Variants in CABIN1 observed in about 807,000 individuals in gnomAD.
CABIN1 encodes calcineurin binding protein 1, also known as calcineurin-binding protein cabin-1.
CABIN1 carries 133 observed loss-of-function variants against 227.7 expected under a neutral mutation model. That is an observed-to-expected ratio of 0.58 (90% CI 0.51 to 0.67). The LOEUF (loss-of-function observed/expected upper bound fraction) is 0.67, where lower values mean the gene tolerates loss of function less well. CABIN1 is among the 30% of genes least tolerant of loss of function. The pLI, the probability that CABIN1 is intolerant of heterozygous loss-of-function variation, is 0.00. For missense variants in CABIN1, 2,408 were observed against 2,852.5 expected (o/e 0.84, Z 3.55); for synonymous variants, 1,086 against 1,155.1 (o/e 0.94, Z 1.21).
chr22:24,099,778 C>T lies in CABIN1; in HGVS notation c.4117+1586C>T, dbSNP rs576347342. On this transcript the variant is annotated intron_variant, in intron 26 of 36. Coordinates refer to ENST00000263119, the MANE Select transcript of CABIN1 (RefSeq NM_012295.4). ...TGTCCACATGCCATGTGGCCGTGCT[C>T]ACATGCACCTGGGCTAGGGAACCCA... Among the ~76,000 whole-genome samples the T allele has an allele frequency of 2.6e-5, 4 of 152,344 alleles. No individual in the cohort carries two copies. The South Asian group carries it at 6.2e-4, about 24-fold the overall frequency.
At position 24,071,051 on chromosome 22, in the gene CABIN1, T is replaced by G; in HGVS notation, c.2475+9T>G. The G allele has an allele frequency of 6.2e-7, 1 of 1,614,256 alleles. No individual in the cohort carries two copies. Among genetic ancestry groups the G allele is most frequent in the Non-Finnish European group, 8.5e-7 (1 of 1,180,040 alleles). On this transcript the variant is annotated intron_variant, in intron 17 of 36. Transcript: ENST00000263119. ...CCAACAACCTCATCCAGGTAACCCC[T>G]GGCTCCTTCTCACCCTGCCCTGCCC...
chr22:24,083,782 C>G (rs2040962984), intron 20 of CABIN1, among the ~76,000 whole-genome samples: 2 of 152,134 alleles, frequency 1.3e-5, no homozygotes, highest in Non-Finnish European at 2.9e-5. Flanking sequence ...AAACAACAAA[C>G]AAAACTACCC....
At chr22:24,154,430 CTGTCAAATGACTA>C (rs1437891103) in intron 29 of CABIN1, among the ~76,000 whole-genome samples, 2 of 152,182 alleles carry the variant, frequency 1.3e-5, no homozygotes, top group Non-Finnish European at 2.9e-5. Flanking sequence ...CTATGTGTGT[CTGTCAAATGACTA>C]TATGAATGTA....
At chr22:24,150,514 G>A (rs2045417391) in intron 29 of CABIN1, among the ~76,000 whole-genome samples, 1 of 152,240 alleles carries the variant, frequency 6.6e-6, no homozygotes, top group Admixed American at 6.5e-5. Context: ...GGCCGGCTCT[G>A]TTCTAGGCAG....
chr22:24,062,987 G>C lies in CABIN1; in HGVS notation c.1725G>C (p.Met575Ile). The C allele has an allele frequency of 6.2e-7, 1 of 1,614,216 alleles. No homozygotes were observed. Among genetic ancestry groups the C allele is most frequent in the Non-Finnish European group, 8.5e-7 (1 of 1,180,030 alleles). Reference protein sequence around the residue: ...AVSPRNCPAGMVNGRFGPDFP... With the variant: ...AVSPRNCPAGIVNGRFGPDFP... ...CTCCTCGGAACTGCCCTGCTGGTAT[G>C]GTGAATGGCAGATTTGGACCTGACT... The change falls in exon 14 of 37, where the codon ATG becomes ATC. Residue 575 changes from methionine (M) to isoleucine (I), a missense_variant. Met to Ile is a conservative substitution (Grantham distance 10). Around this residue, in one of 3 missense-constraint regions of CABIN1, gnomAD observed 1,045 missense variants for 1,168.4 expected, o/e 0.89. Coordinates refer to ENST00000263119, the MANE Select transcript of CABIN1 (RefSeq NM_012295.4).
intron 13 of CABIN1, 36 bp from the exon 14 acceptor site, chr22:24,062,923 C>T (rs781403469): frequency 1.3e-6 from 2 of 1,599,842 alleles, no homozygotes; most frequent in South Asian, 1.1e-5. Context: ...TAGAATGCTA[C>T]ACATGAAGTT....
chr22:24,092,725 T>TG (rs1602036459), intron 24 of CABIN1, among the ~76,000 whole-genome samples: 1 of 149,982 alleles, frequency 6.7e-6, no homozygotes, highest in South Asian at 2.1e-4. Context: ...TGTGTGTGTG[T>TG]TTTAAAGAGA....
chr22:24,038,135 TCA>T (rs2037067053), intron 3 of CABIN1, among the ~76,000 whole-genome samples: 1 of 152,072 alleles, frequency 6.6e-6, no homozygotes, highest in Non-Finnish European at 1.5e-5. Flanking sequence ...AGAGATTCCA[TCA>T]CATAGGCATG....
intron 28 of CABIN1, among the ~76,000 whole-genome samples, chr22:24,123,386 C>T (rs575170382): frequency 1.3e-5 from 2 of 152,322 alleles, no homozygotes; most frequent in African/African-American, 2.4e-5. Context: ...CAGGAGGCAG[C>T]TCTGCAGGTG....
At chr22:24,155,620 G>C (rs1434452834) in intron 29 of CABIN1, among the ~76,000 whole-genome samples, 1 of 152,202 alleles carries the variant, frequency 6.6e-6, no homozygotes, top group Non-Finnish European at 1.5e-5. Context: ...CAGCTCGGCT[G>C]TGGCCAGTCG....
intron 28 of CABIN1, among the ~76,000 whole-genome samples, chr22:24,124,225 G>A (rs2043586180): frequency 1.3e-5 from 2 of 152,196 alleles, no homozygotes; most frequent in Non-Finnish European, 2.9e-5. Context: ...TGAGGTGAGG[G>A]ATGCAGTGCT....
At chr22:24,135,162 G>A (rs1218493414) in intron 29 of CABIN1, among the ~76,000 whole-genome samples, 1 of 151,812 alleles carries the variant, frequency 6.6e-6, no homozygotes, top group Non-Finnish European at 1.5e-5. Context: ...AGGCCAAGGC[G>A]GGCAGATCAT....
At chr22:24,048,299 CCTT>C (rs1245952065) in intron 6 of CABIN1, among the ~76,000 whole-genome samples, 1 of 152,176 alleles carries the variant, frequency 6.6e-6, no homozygotes, top group African/African-American at 2.4e-5. Context: ...TGTATCTTGG[CCTT>C]CTTTCTGGTC....
intron 22 of CABIN1, among the ~76,000 whole-genome samples, chr22:24,085,827 G>A (rs1477442540): frequency 6.6e-6 from 1 of 152,174 alleles, no homozygotes; most frequent in Non-Finnish European, 1.5e-5. Context: ...CTTGGGTGAA[G>A]GTCAAAAGGA....
chr22:24,164,557 A>C lies in CABIN1; in HGVS notation c.4904A>C (p.Gln1635Pro). 1.9e-6 allele frequency: 3 copies of C among 1,603,862 alleles called. No individual in the cohort carries two copies. The highest frequency in any genetic ancestry group is 2.5e-6 in the Non-Finnish European group (3 of 1,179,896). Residue 1635 changes from glutamine (Q) to proline (P), a missense_variant, in exon 30 of 37, where the codon CAG (glutamine) becomes CCG (proline). Transcript: ENST00000263119. ...TCCATGCTTCAGCGGACCCCAGACC[A>C]GGGCAAGTGAGTGCAGCCACCCTGG... is the stretch of plus-strand genomic sequence containing the variant. ...VSSMLQRTPD[Q>P]GKKYLRDADR...
chr22:24,036,314 C>A, intron 3 of CABIN1, 133 bp downstream of exon 3: 1 of 731,926 alleles, frequency 1.4e-6, no homozygotes. Context: ...GGCTAGCTCT[C>A]CATCTCCTGT....
At position 24,065,609 on chromosome 22, in the gene CABIN1, G is replaced by A. The variant is rs1487183424; in HGVS notation, c.2038-1378G>A. 2.2e-4 allele frequency among the ~76,000 whole-genome samples: 34 copies of A among 152,302 alleles called. 1 individual carries two copies. The highest frequency in any genetic ancestry group is 3.1e-4 in the African/African-American group (13 of 41,580). ...TCACTTCCCAGACGGGGTGGCGGCC[G>A]GGCAGAGGCTGCAATCTCGGCACTT... On this transcript the variant is annotated intron_variant, in intron 15 of 36. Coordinates refer to ENST00000263119, the MANE Select transcript of CABIN1 (RefSeq NM_012295.4).
chr22:24,104,584 C>A (rs2042403699), intron 26 of CABIN1, among the ~76,000 whole-genome samples: 1 of 152,202 alleles, frequency 6.6e-6, no homozygotes, highest in Admixed American at 6.5e-5. Flanking sequence ...TGCCGTCATG[C>A]CCACCTGCTG....
intron 1 of CABIN1, among the ~76,000 whole-genome samples, chr22:24,026,860 C>G (rs1297388427): frequency 6.6e-6 from 1 of 152,168 alleles, no homozygotes; most frequent in Non-Finnish European, 1.5e-5. Context: ...CTGGGTCATT[C>G]TAGTACCTCT....
Sources: allele counts gnomAD v4.1 joint callset (sites outside exome capture counted in the v4.1 genomes callset), GRCh38; gene constraint gnomAD v4.1.1; regional missense constraint gnomAD v4.1.1; transcripts MANE v1.5; gene names NCBI Gene and HGNC (gene_info 2026-07-23, HGNC 2026-07-21).